Variants in TRIM55 observed in about 807,000 individuals in gnomAD.
The protein encoded by TRIM55 is tripartite motif-containing protein 55.
In TRIM55, 50 loss-of-function variants were observed where a neutral mutation model predicts 60.9. The ratio of observed to expected loss-of-function variants is 0.82; its 90% CI spans 0.65 to 1.04. TRIM55 has a LOEUF of 1.04. TRIM55 is among the 50% of genes least tolerant of loss of function. The pLI, the probability that TRIM55 is intolerant of heterozygous loss-of-function variation, is 0.00. For missense variants in TRIM55, 681 were observed against 666.9 expected, an observed-to-expected ratio of 1.02 and a Z score of -0.23; for synonymous variants, 237 against 238.1, an observed-to-expected ratio of 1.00 and a Z score of 0.04.
chr8:66,151,888 ATAAATAAAAG>A (rs1810449432), intron 7 of TRIM55, among the ~76,000 whole-genome samples: 1 of 147,480 alleles, frequency 6.8e-6, no homozygotes. Context: ...AAATAAATAA[ATAAATAAAAG>A]AGTCGTGACA....
intron 9 of TRIM55, among the ~76,000 whole-genome samples, chr8:66,154,742 T>C (rs1178759056): frequency 6.6e-6 from 1 of 152,228 alleles, no homozygotes; most frequent in African/African-American, 2.4e-5. Context: ...CCTGCTTTTG[T>C]GTCATTCCCA....
At position 66,152,475 on chromosome 8, in the gene TRIM55, G is replaced by A. The variant is rs145620500; in HGVS notation, c.1084G>A (p.Val362Ile). The change falls in exon 8 of 10, where the codon GTT (valine) becomes ATT (isoleucine). Residue 362 changes from valine to isoleucine, a missense_variant. Physicochemically the swap from Val to Ile is conservative, Grantham distance 29. Transcript: ENST00000315962. ...AGTAGAAGTGGAAGAGGTAGAAAAT[G>A]TTCAAACAGAGTTTCCAGGAGAAGA... ...EAVEVEEVEN[V>I]QTEFPGEDEN... is the part of the protein sequence containing the mutation. The A allele has an allele frequency of 1.5e-5, 25 of 1,614,084 alleles. No individual in the cohort carries two copies. The African/African-American group carries it at 1.9e-4, about 12-fold the overall frequency.
chr8:66,135,549 G>A (rs762949234), intron 3 of TRIM55, among the ~76,000 whole-genome samples: 1 of 152,190 alleles, frequency 6.6e-6, no homozygotes, highest in Non-Finnish European at 1.5e-5. Context: ...TTTTACCCTA[G>A]TCACAGAATA....
chr8:66,141,674 G>A (rs1415733807), intron 4 of TRIM55, among the ~76,000 whole-genome samples: 4 of 152,210 alleles, frequency 2.6e-5, no homozygotes, highest in Non-Finnish European at 4.4e-5. Flanking sequence ...AAGGCAGGCT[G>A]GCAGGCCTAG....
intron 4 of TRIM55, among the ~76,000 whole-genome samples, chr8:66,145,608 A>G (rs1810055322): frequency 6.6e-6 from 1 of 152,216 alleles, no homozygotes; most frequent in African/African-American, 2.4e-5. Context: ...GAAACAATTT[A>G]AGATGCCTTG....
chr8:66,173,844 T>C (rs1164829313), intron 9 of TRIM55, among the ~76,000 whole-genome samples: 1 of 152,194 alleles, frequency 6.6e-6, no homozygotes, highest in Non-Finnish European at 1.5e-5. Flanking sequence ...AGATAATTAT[T>C]TCTTTAGACA....
intron 4 of TRIM55, among the ~76,000 whole-genome samples, chr8:66,139,940 T>C (rs1809711571): frequency 6.6e-6 from 1 of 152,258 alleles, no homozygotes; most frequent in South Asian, 2.1e-4. Flanking sequence ...ATGATGGAGG[T>C]CTCATAAGAT....
chr8:66,149,662 G>T lies in TRIM55; in HGVS notation c.621G>T (p.Gln207His), dbSNP rs1277144747. The T allele has an allele frequency of 5.0e-6, 8 of 1,613,816 alleles. No individual in the cohort carries two copies. The highest frequency in any genetic ancestry group is 5.9e-6 in the Non-Finnish European group (7 of 1,179,830). ...CKTIEECCRK[Q>H]KQELCEKFDY... ...ACTAATAGGAATGTTGCAGAAAACA[G>T]AAACAAGAGCTTTGTGAGAAGTTTG... The change falls in exon 5 of 10, where the codon CAG (glutamine) becomes CAT (histidine). Residue 207 changes from glutamine to histidine, a missense_variant. Physicochemically the swap from Gln to His is conservative, Grantham distance 24. Transcript: ENST00000315962.
intron 9 of TRIM55, 83 bp downstream of exon 9, chr8:66,154,417 G>T (rs1489106127): frequency 1.4e-6 from 2 of 1,432,338 alleles, no homozygotes; most frequent in African/African-American, 2.9e-5. Flanking sequence ...AAGAAAAAGG[G>T]TTTTCAAAGG....
chr8:66,135,253 G>A lies in TRIM55; in HGVS notation c.507+98G>A, dbSNP rs113310990. 1.1e-4 allele frequency: 151 copies of A among 1,369,130 alleles called. No homozygotes were observed. In the African/African-American group the frequency reaches 1.7e-3, roughly 15 times the overall value. 84.8% of individuals were successfully genotyped at this position (1,369,130 alleles called of 1,614,324 possible). On this transcript the variant is annotated intron_variant, in intron 3 of 9. Coordinates refer to ENST00000315962, the MANE Select transcript of TRIM55 (RefSeq NM_184085.2). ...TGAGTGGCTCCCTGCGGTGGAGGAG[G>A]AAGCCCAAGCCACGCAGGGCCATGG...
At chr8:66,132,290 A>C (rs1198984543) in intron 2 of TRIM55, among the ~76,000 whole-genome samples, 3 of 152,168 alleles carry the variant, frequency 2.0e-5, no homozygotes, top group Non-Finnish European at 2.9e-5. Context: ...ATCTGTACTA[A>C]AAATACAAAA....
chr8:66,142,373 G>A (rs903057677), intron 4 of TRIM55, among the ~76,000 whole-genome samples: 6 of 152,204 alleles, frequency 3.9e-5, no homozygotes, highest in Admixed American at 2.0e-4. Context: ...TTATCTAAGA[G>A]GCTTTGTGGC....
intron 9 of TRIM55, among the ~76,000 whole-genome samples, chr8:66,159,802 G>A (rs1252922013): frequency 2.0e-5 from 3 of 152,112 alleles, no homozygotes; most frequent in Non-Finnish European, 4.4e-5. Flanking sequence ...CTAATGGTTA[G>A]CACCTTTTCT....
At position 66,150,335 on chromosome 8, in the gene TRIM55, G is replaced by C. The variant is rs1810341003; in HGVS notation, c.861-7G>C. The C allele has an allele frequency of 6.2e-7, 1 of 1,614,066 alleles. No homozygotes were observed. Among genetic ancestry groups the C allele is most frequent in the African/African-American group, 1.3e-5 (1 of 74,936 alleles). On this transcript the variant is annotated splice_polypyrimidine_tract_variant and splice_region_variant and intron_variant, in intron 6 of 9. Coordinates refer to ENST00000315962, the MANE Select transcript of TRIM55 (RefSeq NM_184085.2). ...TGACAGAAAGTGGCAACTTGTCTTTGTTGCAGAATCTCGGAAGCATCAAAG... is the reference window on the plus strand; with the variant it reads ...TGACAGAAAGTGGCAACTTGTCTTTCTTGCAGAATCTCGGAAGCATCAAAG...
chr8:66,139,293 G>T (rs1296967825), intron 4 of TRIM55, among the ~76,000 whole-genome samples: 1 of 152,174 alleles, frequency 6.6e-6, no homozygotes, highest in Non-Finnish European at 1.5e-5. Flanking sequence ...GAAGGAACAG[G>T]CTTTCTGTCT....
At chr8:66,127,596 G>A (rs188270316) in intron 1 of TRIM55, among the ~76,000 whole-genome samples, 160 bp downstream of exon 1, 228 of 152,256 alleles carry the variant, frequency 1.5e-3, no homozygotes, top group African/African-American at 5.4e-3. Context: ...GGAGGCTGAG[G>A]CCAGTGGATC....
At chr8:66,161,327 G>A (rs763519087) in intron 9 of TRIM55, among the ~76,000 whole-genome samples, 105 of 152,218 alleles carry the variant, frequency 6.9e-4, no homozygotes, top group Middle Eastern at 3.4e-3. Flanking sequence ...TCGAAGATCA[G>A]TTGGCTGTAA....
intron 9 of TRIM55, among the ~76,000 whole-genome samples, chr8:66,166,979 C>T (rs1185923408): frequency 2.6e-5 from 4 of 152,186 alleles, no homozygotes; most frequent in African/African-American, 9.7e-5. Context: ...TAGGCCTCCA[C>T]TCCTGGCAGG....
intron 9 of TRIM55, chr8:66,155,814 C>A (rs1015234482): frequency 1.5e-5 from 12 of 783,260 alleles, no homozygotes; most frequent in Non-Finnish European, 2.5e-5. Flanking sequence ...AATCTTGAGG[C>A]TCAGTCCTCC....
Sources: gnomAD v4.1 joint callset for allele counts (sites outside exome capture counted in the v4.1 genomes callset) on GRCh38, gnomAD v4.1.1 for gene constraint, MANE v1.5 for transcripts, NCBI Gene and HGNC (gene_info 2026-07-23, HGNC 2026-07-21) for gene names.